The following MATR3 variants were observed in gnomAD, a reference collection of about 807,000 sequenced individuals.
MATR3 encodes the protein matrin 3.
In MATR3, 4 loss-of-function variants were observed where a neutral mutation model predicts 85.5. The observed-to-expected ratio is 0.05, with a 90% CI of 0.02 to 0.11. The LOEUF (loss-of-function observed/expected upper bound fraction) is 0.11. MATR3 is among the 10% of genes least tolerant of loss of function. The pLI is 1.00. For missense variants in MATR3, 685 were observed against 1,016.1 expected (o/e 0.67, Z 4.43); for synonymous variants, 336 against 343.1 (o/e 0.98, Z 0.23).
intron 14 of MATR3, among the ~76,000 whole-genome samples, chr5:139,326,760 G>A (rs1444461790): frequency 6.6e-6 from 1 of 152,064 alleles, no homozygotes; most frequent in African/African-American, 2.4e-5. Flanking sequence ...CAAAACATCT[G>A]TTGAACCTCT....
At chr5:139,295,472 C>T (rs1424945471) in intron 1 of MATR3, among the ~76,000 whole-genome samples, 1 of 152,176 alleles carries the variant, frequency 6.6e-6, no homozygotes, top group Non-Finnish European at 1.5e-5. Flanking sequence ...TTACTTTGTA[C>T]TTTACCCAGA....
Position 139,307,671 on chromosome 5 carries a change from A to G in MATR3, c.256A>G (p.Ile86Val), listed in dbSNP as rs201277902. The change falls in exon 2 of 15, where the codon ATA (isoleucine) becomes GTA (valine). Residue 86 changes from isoleucine (I) to valine (V), a missense_variant. Around this residue, in one of 9 missense-constraint regions of MATR3, gnomAD observed 57 missense variants for 68.6 expected, o/e 0.83. Coordinates refer to ENST00000394805, the MANE Select transcript of MATR3 (RefSeq NM_018834.6). The surrounding 1 kb of genome is among the most constrained non-coding windows in gnomAD (Gnocchi z 4.4). The stretch of plus-strand genomic sequence containing the variant: ...TACTTCTTCCCATAATTTGCAGTCT[A>G]TATTTAACATTGGAAGTAGAGGTCC... ...ASTSSHNLQS[I>V]FNIGSRGPLP... 25 of 1,614,056 alleles carry G rather than the reference A, an allele frequency of 1.5e-5. No homozygotes were observed. Among genetic ancestry groups the G allele is most frequent in the South Asian group, 8.8e-5 (8 of 91,092 alleles).
rs1755633728 is a variant in MATR3 at position 139,322,639 on chromosome 5, A to G, written c.1820A>G (p.Asp607Gly). The G allele has an allele frequency of 6.2e-7, 1 of 1,614,084 alleles. No homozygotes were observed. Among genetic ancestry groups the G allele is most frequent in the African/African-American group, 1.3e-5 (1 of 74,948 alleles). ...CCAGATGGCAAAGAATCTCCAAGTGATAAGAAATCCAAAACTGATGGTTCC... is the reference window on the plus strand; with the variant it reads ...CCAGATGGCAAAGAATCTCCAAGTGGTAAGAAATCCAAAACTGATGGTTCC... ...YSPDGKESPS[D>G]KKSKTDGSQK... Residue 607 changes from aspartate (D) to glycine (G), a missense_variant, in exon 12 of 15, where the codon GAT (aspartate) becomes GGT (glycine). By Grantham distance (94) the Asp-to-Gly change is moderately conservative. Around this residue, in one of 9 missense-constraint regions of MATR3, gnomAD observed 50 missense variants for 133.4 expected, o/e 0.37. Transcript: ENST00000394805.
intron 2 of MATR3, chr5:139,311,722 T>A (rs2151970870): frequency 6.8e-6 from 1 of 147,498 alleles, no homozygotes; most frequent in African/African-American, 2.6e-5. Flanking sequence ...GAATTGTAAG[T>A]CGTTAATTGG....
chr5:139,326,394 C>T, intron 14 of MATR3, 110 bp downstream of exon 14: 8 of 957,016 alleles, frequency 8.4e-6, no homozygotes, highest in South Asian at 3.1e-5. Flanking sequence ...CAGTGCAGTG[C>T]TTTCTCCTGA....
intron 14 of MATR3, 103 bp from the exon 15 acceptor site, chr5:139,329,242 T>G (rs1756009138): frequency 3.6e-6 from 3 of 822,648 alleles, no homozygotes. Flanking sequence ...AAATTATAGT[T>G]TAAGTCCCTA....
At position 139,329,441 on chromosome 5, in the gene MATR3, T is replaced by C; in HGVS notation, c.*46T>C. ...GATTTCAAAGAAAATAATGGTTCTT[T>C]GTTTTTAATGTTAACCTTTTTTAAA... On this transcript the variant is annotated 3_prime_UTR_variant, in exon 15 of 15. Coordinates refer to ENST00000394805, the MANE Select transcript of MATR3 (RefSeq NM_018834.6). 6.8e-7 allele frequency: 1 copy of C among 1,469,566 alleles called. No individual in the cohort carries two copies. The highest frequency in any genetic ancestry group is 2.3e-5 in the East Asian group (1 of 43,880). 91.0% of individuals were successfully genotyped at this position (1,469,566 alleles called of 1,614,324 possible).
At chr5:139,292,314 A>G (rs969140546), upstream of MATR3, among the ~76,000 whole-genome samples, 3 of 152,168 alleles carry the variant, frequency 2.0e-5, no homozygotes, top group Non-Finnish European at 4.4e-5. Context: ...GGTATCCCAC[A>G]GTAGCCGCCT....
chr5:139,309,744 A>G (rs947471812), intron 2 of MATR3, among the ~76,000 whole-genome samples: 1 of 152,162 alleles, frequency 6.6e-6, no homozygotes, highest in Non-Finnish European at 1.5e-5. Flanking sequence ...GCTCTACTAA[A>G]TATATCATGG....
chr5:139,276,015 A>G (rs1454740240), intron 1 of MATR3: 1 of 456,510 alleles, frequency 2.2e-6, no homozygotes, highest in Non-Finnish European at 4.4e-6. Flanking sequence ...ATTGTCTGCT[A>G]TTGTTTCTGT....
intron 1 of MATR3, among the ~76,000 whole-genome samples, chr5:139,296,591 C>G (rs1032220658): frequency 8.5e-5 from 13 of 152,162 alleles, no homozygotes; most frequent in African/African-American, 2.7e-4. Flanking sequence ...GACAAACTAG[C>G]TGCTTCAAGT....
chr5:139,329,073 CTG>C (rs1756000093), intron 14 of MATR3, among the ~76,000 whole-genome samples: 1 of 152,022 alleles, frequency 6.6e-6, no homozygotes, highest in Admixed American at 6.6e-5. Flanking sequence ...TTCAGTGTGA[CTG>C]TGGTCTTTGT....
At chr5:139,297,221 C>T (rs140770377) in intron 1 of MATR3, among the ~76,000 whole-genome samples, 462 of 152,194 alleles carry the variant, frequency 3.0e-3, no homozygotes, top group African/African-American at 0.011. Context: ...TTGGGATGGA[C>T]AGTGCTAAGT....
intron 1 of MATR3, chr5:139,274,467 C>A: frequency 5.3e-6 from 1 of 188,160 alleles, no homozygotes; most frequent in East Asian, 1.2e-4. Context: ...ACTGAGTCAG[C>A]CCCTTTAACC....
At chr5:139,279,394 A>C (rs1753429751) in intron 3 of MATR3, 1 of 277,988 alleles carries the variant, frequency 3.6e-6, no homozygotes, top group Non-Finnish European at 7.1e-6. Flanking sequence ...ATGCCAGGCT[A>C]ATTTTTTTAT....
chr5:139,288,371 G>A lies in MATR3; in HGVS notation c.-178+9242G>A, dbSNP rs188237071. 1.8e-3 allele frequency among the ~76,000 whole-genome samples: 277 copies of A among 152,250 alleles called. 1 individual carries two copies. Among genetic ancestry groups the A allele is most frequent in the African/African-American group, 6.3e-3 (261 of 41,532 alleles). Reference sequence around the variant, plus strand: ...TCGTTGAAAAAGTTTGACTTTCTCTGCACGATCACCAGATGGCATTAGAAC... The same window carrying A: ...TCGTTGAAAAAGTTTGACTTTCTCTACACGATCACCAGATGGCATTAGAAC... On this transcript the variant is annotated intron_variant, in intron 3 of 16. Transcript: ENST00000509990.
In MATR3 at chr5:139,307,178, T is replaced by G; in HGVS notation, c.-177-61T>G. The G allele has an allele frequency of 8.5e-7, 1 of 1,179,380 alleles. No individual in the cohort carries two copies. The highest frequency in any genetic ancestry group is 1.1e-6 in the Non-Finnish European group (1 of 949,818). 73.1% of individuals were successfully genotyped at this position (1,179,380 alleles called of 1,614,324 possible). ...TCAACATGATGCATAAGTTTTTTTT[T>G]CTTAAAAAAACGGCATCTGCTTAAA... On this transcript the variant is annotated intron_variant, in intron 1 of 14. Coordinates refer to ENST00000394805, the MANE Select transcript of MATR3 (RefSeq NM_018834.6). The surrounding 1 kb of genome is among the most constrained non-coding windows in gnomAD (Gnocchi z 4.4).
At chr5:139,305,234 T>C (rs1271965935) in intron 1 of MATR3, among the ~76,000 whole-genome samples, 1 of 152,222 alleles carries the variant, frequency 6.6e-6, no homozygotes, top group Non-Finnish European at 1.5e-5. Context: ...GGTTATCCTT[T>C]ACCTTTGCTT....
intron 4 of MATR3, 146 bp from the exon 5 acceptor site, chr5:139,315,930 T>G: frequency 1.3e-6 from 1 of 773,970 alleles, no homozygotes; most frequent in Non-Finnish European, 2.2e-6. Flanking sequence ...TTATTGTTAA[T>G]GTAGACTTTG....
Sources: gnomAD v4.1 joint callset for allele counts (sites outside exome capture counted in the v4.1 genomes callset) on GRCh38, gnomAD v4.1.1 for gene constraint, gnomAD v4.1.1 regional missense constraint, Gnocchi (gnomAD v3.1) non-coding constraint, MANE v1.5 for transcripts, NCBI Gene and HGNC (gene_info 2026-07-23, HGNC 2026-07-21) for gene names.